AGBL1: variants seen among roughly 807,000 people sequenced by gnomAD.
The protein encoded by AGBL1 is AGBL carboxypeptidase 1, also known as cytosolic carboxypeptidase 4.
Under a neutral mutation model 118.9 loss-of-function variants are expected in AGBL1, and 130 were observed. The ratio of observed to expected loss-of-function variants is 1.09; its 90% CI spans 0.95 to 1.26. AGBL1 has a LOEUF of 1.26. Ranked by LOEUF, AGBL1 falls within the 50% of genes most tolerant of loss-of-function variation. AGBL1 has a pLI of 0.00. For missense variants in AGBL1, 1,584 were observed against 1,298.1 expected (o/e 1.22, Z -3.38); for synonymous variants, 555 against 478.9 (o/e 1.16, Z -2.08).
At chr15:86,195,612 T>G (rs1469466894) in intron 5 of AGBL1, among the ~76,000 whole-genome samples, 1 of 152,200 alleles carries the variant, frequency 6.6e-6, no homozygotes, top group Non-Finnish European at 1.5e-5. Flanking sequence ...GTCTTTAGAT[T>G]AAAGTGAGAT....
At chr15:86,100,070 T>G (rs1244940813) in intron 1 of AGBL1, among the ~76,000 whole-genome samples, 2 of 152,182 alleles carry the variant, frequency 1.3e-5, no homozygotes, top group Non-Finnish European at 2.9e-5. Flanking sequence ...TATCAAATGC[T>G]TTTTCAGCAG....
chr15:86,121,426 T>C (rs1898088842), intron 1 of AGBL1, among the ~76,000 whole-genome samples: 1 of 152,200 alleles, frequency 6.6e-6, no homozygotes, highest in South Asian at 2.1e-4. Context: ...AATGTAAAAA[T>C]CACAAAGAAA....
intron 18 of AGBL1, among the ~76,000 whole-genome samples, chr15:86,440,922 G>T (rs981846983): frequency 6.6e-5 from 10 of 152,168 alleles, no homozygotes; most frequent in Non-Finnish European, 1.2e-4. Context: ...TAGGAAACAG[G>T]CTCAAGAAAC....
intron 22 of AGBL1, among the ~76,000 whole-genome samples, chr15:86,859,919 A>G (rs79570365): frequency 0.038 from 5,792 of 152,276 alleles, 158 homozygotes; most frequent in Middle Eastern, 0.082. Flanking sequence ...TTTGCTATCC[A>G]AAGTGAGATG....
intron 22 of AGBL1, among the ~76,000 whole-genome samples, chr15:86,823,116 AC>A (rs1456192124): frequency 6.6e-6 from 1 of 152,132 alleles, no homozygotes; most frequent in Non-Finnish European, 1.5e-5. Context: ...ATGTAATGAA[AC>A]CTGGAGTCAC....
intron 23 of AGBL1, among the ~76,000 whole-genome samples, chr15:86,978,971 A>G (rs374805677): frequency 6.6e-5 from 10 of 152,296 alleles, no homozygotes; most frequent in African/African-American, 2.4e-4. Flanking sequence ...CTCAAACTGA[A>G]GGAGATATTA....
At chr15:86,100,172 C>A (rs985611934) in intron 1 of AGBL1, among the ~76,000 whole-genome samples, 11 of 152,038 alleles carry the variant, frequency 7.2e-5, no homozygotes, top group African/African-American at 2.7e-4. Flanking sequence ...ATTCTTGTAT[C>A]CCTGGTATAA....
At chr15:86,685,784 T>G (rs539435605) in intron 22 of AGBL1, among the ~76,000 whole-genome samples, 1 of 152,304 alleles carries the variant, frequency 6.6e-6, no homozygotes, top group South Asian at 2.1e-4. Flanking sequence ...TCAAAGCTTT[T>G]TCTCTTTTAT....
intron 18 of AGBL1, among the ~76,000 whole-genome samples, chr15:86,489,259 G>T (rs985320939): frequency 3.9e-5 from 6 of 152,196 alleles, no homozygotes; most frequent in African/African-American, 1.4e-4. Context: ...TATTTGCAGG[G>T]TCTTGCACAG....
chr15:86,647,679 T>C (rs937879778), intron 21 of AGBL1, among the ~76,000 whole-genome samples: 12 of 152,136 alleles, frequency 7.9e-5, no homozygotes, highest in Admixed American at 2.0e-4. Flanking sequence ...CCAGCCTGGG[T>C]GACAGAGCAA....
chr15:86,376,494 C>T (rs1405627668), intron 17 of AGBL1, among the ~76,000 whole-genome samples: 1 of 152,202 alleles, frequency 6.6e-6, no homozygotes, highest in African/African-American at 2.4e-5. Flanking sequence ...AGATTCTGCT[C>T]CTTTTCTTCC....
intron 22 of AGBL1, among the ~76,000 whole-genome samples, chr15:86,831,121 T>A (rs966650123): frequency 6.6e-6 from 1 of 152,080 alleles, no homozygotes; most frequent in African/African-American, 2.4e-5. Flanking sequence ...TTCACTACCA[T>A]GAGAACAGCA....
At chr15:86,953,290 C>G in intron 23 of AGBL1, among the ~76,000 whole-genome samples, 1 of 152,086 alleles carries the variant, frequency 6.6e-6, no homozygotes, top group East Asian at 1.9e-4. Context: ...TTCTTCCTAT[C>G]CACAAGCAAG....
chr15:86,995,691 C>T (rs1407625387), intron 24 of AGBL1, among the ~76,000 whole-genome samples: 1 of 152,188 alleles, frequency 6.6e-6, no homozygotes, highest in Non-Finnish European at 1.5e-5. Flanking sequence ...ATTAATTATT[C>T]TCTGCTACAT....
chr15:86,847,297 A>G (rs1193913829), intron 22 of AGBL1, among the ~76,000 whole-genome samples: 1 of 152,202 alleles, frequency 6.6e-6, no homozygotes, highest in Non-Finnish European at 1.5e-5. Context: ...TCACTTTTGA[A>G]TAAGGGTCAT....
chr15:86,776,789 T>TGTGA (rs1567168793), intron 22 of AGBL1, among the ~76,000 whole-genome samples: 33 of 113,018 alleles, frequency 2.9e-4, no homozygotes, highest in Middle Eastern at 4.3e-3. Context: ...TGTGTGTGTG[T>TGTGA]GAGAGAGAGA....
At position 86,943,372 on chromosome 15, in the gene AGBL1, A is replaced by G. The variant is rs545887071; in HGVS notation, c.3222-44615A>G. ...GTGGAAAAAAATAAATTCACAAAAC[A>G]GTATTCAAAATTTCTATTAATTTTG... On this transcript the variant is annotated intron_variant, in intron 23 of 24. Transcript: ENST00000441037. Among the ~76,000 whole-genome samples, 4 of 152,340 alleles carry G rather than the reference A, an allele frequency of 2.6e-5. No homozygotes were observed. In the East Asian group the frequency reaches 7.7e-4, roughly 29 times the overall value.
chr15:87,017,325 G>C (rs890293562), intron 24 of AGBL1, among the ~76,000 whole-genome samples: 1 of 152,086 alleles, frequency 6.6e-6, no homozygotes, highest in African/African-American at 2.4e-5. Flanking sequence ...CATTCTTCCA[G>C]ATTGGATGAG....
chr15:86,572,402 T>C (rs1357598467), intron 21 of AGBL1, among the ~76,000 whole-genome samples: 1 of 152,060 alleles, frequency 6.6e-6, no homozygotes, highest in African/African-American at 2.4e-5. Flanking sequence ...CCTCGCTGGG[T>C]CCCCCTCTGA....
Sources: gnomAD v4.1 joint callset for allele counts (sites outside exome capture counted in the v4.1 genomes callset) on GRCh38, gnomAD v4.1.1 for gene constraint, MANE v1.5 for transcripts, NCBI Gene and HGNC (gene_info 2026-07-23, HGNC 2026-07-21) for gene names.